Variants in HIBADH observed in about 807,000 individuals in gnomAD.
HIBADH encodes 3-hydroxyisobutyrate dehydrogenase, mitochondrial.
Under a neutral mutation model 36.1 loss-of-function variants are expected in HIBADH, and 25 were observed. The observed-to-expected ratio is 0.69, with a 90% CI of 0.50 to 0.97. The LOEUF is 0.97. Ranked by LOEUF, HIBADH falls within the 50% of genes least tolerant of loss-of-function variation. HIBADH has a pLI of 0.00. For missense variants in HIBADH, 421 were observed against 418.0 expected, an observed-to-expected ratio of 1.01 and a Z score of -0.06; for synonymous variants, 160 against 149.5, an observed-to-expected ratio of 1.07 and a Z score of -0.51.
At chr7:27,587,234 A>G (rs1357141737) in intron 4 of HIBADH, among the ~76,000 whole-genome samples, 1 of 152,200 alleles carries the variant, frequency 6.6e-6, no homozygotes, top group Non-Finnish European at 1.5e-5. Context: ...GCCAAAGTCC[A>G]CAGTATTCTA....
chr7:27,574,331 G>A (rs1784673580), intron 4 of HIBADH, among the ~76,000 whole-genome samples: 1 of 151,904 alleles, frequency 6.6e-6, no homozygotes, highest in South Asian at 2.1e-4. Context: ...AGGATAGGAG[G>A]GGCTGGTATC....
In HIBADH at chr7:27,563,747, T is replaced by C. The variant is rs1784500293; in HGVS notation, c.485-20647A>G. On this transcript the variant is annotated intron_variant, in intron 4 of 7. Coordinates refer to ENST00000265395, the MANE Select transcript of HIBADH (RefSeq NM_152740.4). ...ATCTTTTGCTCATTTTCTAATTGAG[T>C]TGGTTGTTTTATTGTTGACTTTTGA... Among the ~76,000 whole-genome samples the C allele has an allele frequency of 2.0e-5, 3 of 152,102 alleles. No homozygotes were observed. The South Asian group carries it at 6.2e-4, about 31-fold the overall frequency.
At chr7:27,561,993 T>C (rs1562622146) in intron 4 of HIBADH, among the ~76,000 whole-genome samples, 1 of 152,136 alleles carries the variant, frequency 6.6e-6, no homozygotes. Context: ...TTTCTGAGTC[T>C]TTATGTTTTA....
At chr7:27,592,427 G>A (rs576127234) in intron 4 of HIBADH, among the ~76,000 whole-genome samples, 139 of 152,178 alleles carry the variant, frequency 9.1e-4, no homozygotes, top group African/African-American at 3.0e-3. Context: ...ACCAAAATAG[G>A]AAAGATGAGA....
At chr7:27,645,383 T>G (rs1210415332) in intron 2 of HIBADH, among the ~76,000 whole-genome samples, 6 of 124,630 alleles carry the variant, frequency 4.8e-5, no homozygotes, top group South Asian at 2.6e-4. Flanking sequence ...TTTTTTTTTT[T>G]TTTTTTTTTT....
intron 6 of HIBADH, among the ~76,000 whole-genome samples, chr7:27,531,901 T>C (rs1784009167): frequency 1.6e-5 from 1 of 63,920 alleles, no homozygotes; most frequent in Non-Finnish European, 2.8e-5. Context: ...AAAGTTATTA[T>C]AAAAGAAGAC....
chr7:27,589,081 A>C (rs1784905334), intron 4 of HIBADH, among the ~76,000 whole-genome samples: 1 of 152,228 alleles, frequency 6.6e-6, no homozygotes, highest in African/African-American at 2.4e-5. Flanking sequence ...CACAGGAATG[A>C]ATTTTAAAAT....
chr7:27,584,325 C>T (rs1784829841), intron 4 of HIBADH, among the ~76,000 whole-genome samples: 1 of 152,008 alleles, frequency 6.6e-6, no homozygotes, highest in East Asian at 1.9e-4. Context: ...GTTAGTTATG[C>T]AGATATTCTA....
intron 3 of HIBADH, 36 bp downstream of exon 3, chr7:27,632,300 A>G (rs542032553): frequency 1.0e-4 from 140 of 1,339,424 alleles, no homozygotes; most frequent in South Asian, 8.2e-4. Flanking sequence ...ATGAACTATC[A>G]TAACAAGAAA....
intron 4 of HIBADH, among the ~76,000 whole-genome samples, chr7:27,609,978 G>A (rs1441944515): frequency 2.0e-5 from 3 of 151,584 alleles, no homozygotes; most frequent in Non-Finnish European, 4.4e-5. Context: ...CACCACACCC[G>A]GCTAATTTTT....
intron 4 of HIBADH, among the ~76,000 whole-genome samples, chr7:27,600,494 G>T (rs1481953497): frequency 1.3e-5 from 2 of 152,008 alleles, no homozygotes; most frequent in African/African-American, 2.4e-5. Context: ...TATCTAGTTG[G>T]GCAATTTTCT....
chr7:27,634,501 G>A (rs1443633993), intron 2 of HIBADH, among the ~76,000 whole-genome samples: 2 of 152,062 alleles, frequency 1.3e-5, no homozygotes, highest in African/African-American at 4.8e-5. Context: ...AAAAAAAGTT[G>A]TAGTAGTCAT....
intron 2 of HIBADH, among the ~76,000 whole-genome samples, chr7:27,641,744 T>C (rs974309589): frequency 6.6e-6 from 1 of 151,648 alleles, no homozygotes; most frequent in African/African-American, 2.4e-5. Flanking sequence ...CAAAACACTC[T>C]CTAAGCTGCC....
chr7:27,614,572 A>C (rs951189069), intron 4 of HIBADH, among the ~76,000 whole-genome samples: 14 of 152,234 alleles, frequency 9.2e-5, no homozygotes, highest in Middle Eastern at 3.2e-3. Flanking sequence ...GTCTAGTAGA[A>C]GAGACAGGCA....
At chr7:27,634,368 C>T (rs765926247) in intron 2 of HIBADH, among the ~76,000 whole-genome samples, 20 of 152,018 alleles carry the variant, frequency 1.3e-4, no homozygotes, top group African/African-American at 2.7e-4. Flanking sequence ...AAGAAATAAG[C>T]GCTTAAGTTG....
intron 7 of HIBADH, 85 bp downstream of exon 7, chr7:27,531,107 T>A: frequency 7.4e-7 from 1 of 1,360,014 alleles, no homozygotes; most frequent in Non-Finnish European, 1.0e-6. Flanking sequence ...CTGAGACATA[T>A]GCTTTATTAA....
chr7:27,564,946 T>C (rs1784524014), intron 4 of HIBADH, among the ~76,000 whole-genome samples: 1 of 152,222 alleles, frequency 6.6e-6, no homozygotes, highest in South Asian at 2.1e-4. Context: ...TTATTTCTGA[T>C]GTTTTGAAAT....
At chr7:27,606,573 G>T in intron 4 of HIBADH, among the ~76,000 whole-genome samples, 1 of 152,184 alleles carries the variant, frequency 6.6e-6, no homozygotes, top group East Asian at 1.9e-4. Context: ...AGAATTCCCA[G>T]CTTTTTCATT....
chr7:27,566,268 A>G (rs1247438101), intron 4 of HIBADH, among the ~76,000 whole-genome samples: 2 of 152,246 alleles, frequency 1.3e-5, no homozygotes, highest in East Asian at 3.9e-4. Flanking sequence ...GGTAGAATTC[A>G]TCACAAAAAA....
Sources: gnomAD v4.1 joint callset for allele counts (sites outside exome capture counted in the v4.1 genomes callset) on GRCh38, gnomAD v4.1.1 for gene constraint, MANE v1.5 for transcripts, NCBI Gene and HGNC (gene_info 2026-07-23, HGNC 2026-07-21) for gene names.